The following BFSP2 variants were observed in gnomAD, a reference collection of about 807,000 sequenced individuals.
The protein encoded by BFSP2 is beaded filament structural protein 2.
In BFSP2, 38 loss-of-function variants were observed where a neutral mutation model predicts 44.9. The observed-to-expected ratio is 0.85, with a 90% CI of 0.65 to 1.11. The LOEUF (loss-of-function observed/expected upper bound fraction) is 1.11. BFSP2 is among the 50% of genes least tolerant of loss of function. The pLI is 0.00. For missense variants in BFSP2, 525 were observed against 533.0 expected (o/e 0.99, Z 0.15); for synonymous variants, 197 against 209.9 (o/e 0.94, Z 0.53).
chr3:133,403,784 GT>G (rs1228691001), intron 1 of BFSP2, among the ~76,000 whole-genome samples: 1 of 152,056 alleles, frequency 6.6e-6, no homozygotes, highest in Admixed American at 6.5e-5. Context: ...GGGAGTGGGG[GT>G]CCCCTGTCCC....
intron 1 of BFSP2, among the ~76,000 whole-genome samples, chr3:133,405,164 A>AGCCAGGGGGAGAATGAAGCT (rs2073394005): frequency 6.6e-6 from 1 of 152,228 alleles, no homozygotes; most frequent in Admixed American, 6.5e-5. Flanking sequence ...GAACAGCTGA[A>AGCCAGGGGGAGAATGAAGCT]GCCAGGGGGA....
At chr3:133,437,386 G>A (rs1014355508) in intron 1 of BFSP2, among the ~76,000 whole-genome samples, 15 of 152,208 alleles carry the variant, frequency 9.9e-5, no homozygotes, top group African/African-American at 3.6e-4. Context: ...AGCCGGGCAT[G>A]GTGGCACATA....
At chr3:133,444,407 G>A (rs2073877489) in intron 1 of BFSP2, among the ~76,000 whole-genome samples, 1 of 152,080 alleles carries the variant, frequency 6.6e-6, no homozygotes, top group East Asian at 1.9e-4. Context: ...ATTTTATGGG[G>A]GAGGAAACCA....
intron 6 of BFSP2, 27 bp from the exon 7 acceptor site, chr3:133,474,942 T>C (rs758085467): frequency 6.2e-7 from 1 of 1,614,108 alleles, no homozygotes. Flanking sequence ...CACCCATTGC[T>C]TCTGACTCCT....
At chr3:133,411,522 A>T (rs2073453197) in intron 1 of BFSP2, among the ~76,000 whole-genome samples, 2 of 152,186 alleles carry the variant, frequency 1.3e-5, no homozygotes, top group Admixed American at 1.3e-4. Context: ...CCACCTATGA[A>T]GTAGTCTTGC....
Position 133,400,296 on chromosome 3 carries a change from C to G in BFSP2, c.213C>G (p.Ala71=). ...GTGGGTGCATAGGTGGCTTGGGTGCCCGTGTGACCCGCCGGGCCCTCGGCA... is the reference window on the plus strand; with the variant it reads ...GTGGGTGCATAGGTGGCTTGGGTGCGCGTGTGACCCGCCGGGCCCTCGGCA... ...APSGCIGGLG[A]RVTRRALGIS... Residue 71 remains alanine, a synonymous_variant, in exon 1 of 7, where the codon GCC becomes GCG. Coordinates refer to ENST00000302334, the MANE Select transcript of BFSP2 (RefSeq NM_003571.4). The surrounding 1 kb of genome is among the most constrained non-coding windows in gnomAD (Gnocchi z 4.0). 6.2e-7 allele frequency: 1 copy of G among 1,614,008 alleles called. No individual in the cohort carries two copies. The highest frequency in any genetic ancestry group is 8.5e-7 in the Non-Finnish European group (1 of 1,180,030).
At chr3:133,467,175 A>G (rs2074118484) in intron 5 of BFSP2, among the ~76,000 whole-genome samples, 1 of 152,212 alleles carries the variant, frequency 6.6e-6, no homozygotes, top group Admixed American at 6.5e-5. Flanking sequence ...ATCTCTTACC[A>G]GGCTGCTGCA....
At chr3:133,431,934 G>C (rs544857721) in intron 1 of BFSP2, among the ~76,000 whole-genome samples, 3 of 151,992 alleles carry the variant, frequency 2.0e-5, no homozygotes, top group South Asian at 4.2e-4. Context: ...GATTACAGCC[G>C]CATCTCATTG....
intron 1 of BFSP2, chr3:133,410,065 G>T: frequency 5.1e-6 from 1 of 194,912 alleles, no homozygotes; most frequent in Non-Finnish European, 1.1e-5. Context: ...TCTTTGCTGA[G>T]CCATACAAAA....
chr3:133,401,307 C>T (rs1179492618), intron 1 of BFSP2, among the ~76,000 whole-genome samples: 3 of 152,216 alleles, frequency 2.0e-5, no homozygotes. Context: ...TATCTTATAT[C>T]TGCACTGTCC....
chr3:133,415,344 T>C (rs1559959721), intron 1 of BFSP2, among the ~76,000 whole-genome samples: 3 of 83,232 alleles, frequency 3.6e-5, no homozygotes, highest in East Asian at 4.1e-4. Context: ...ACCCGTGTCC[T>C]CTCCCCTCTA....
At position 133,400,096 on chromosome 3, in the gene BFSP2, C is replaced by A; in HGVS notation, c.13C>A (p.Arg5=). Residue 5 remains arginine (R), a synonymous_variant, in exon 1 of 7, where the codon CGA becomes AGA. Coordinates refer to ENST00000302334, the MANE Select transcript of BFSP2 (RefSeq NM_003571.4). This position sits in a 1 kb window ranked among gnomAD's most constrained non-coding sequence, Gnocchi z 4.0. MSER[R]VVVDLPTSAS... is the part of the protein sequence containing the mutation. ...GGCAGAAGGGGTGATGAGTGAGAGG[C>A]GAGTGGTAGTGGACTTGCCCACCAG... 6.2e-7 allele frequency: 1 copy of A among 1,614,148 alleles called. No homozygotes were observed. The highest frequency in any genetic ancestry group is 8.5e-7 in the Non-Finnish European group (1 of 1,180,022).
chr3:133,473,659 T>C (rs954773571), intron 6 of BFSP2, among the ~76,000 whole-genome samples: 3 of 151,026 alleles, frequency 2.0e-5, no homozygotes, highest in African/African-American at 7.3e-5. Context: ...TGGTGATGAC[T>C]CTTAACGAGC....
At chr3:133,457,111 T>C (rs1267683933) in intron 4 of BFSP2, among the ~76,000 whole-genome samples, 3 of 152,224 alleles carry the variant, frequency 2.0e-5, no homozygotes, top group African/African-American at 4.8e-5. Flanking sequence ...GTTAACCACC[T>C]GGGAAAGTTC....
Position 133,400,313 on chromosome 3 carries a change from C to T in BFSP2, c.230C>T (p.Ala77Val), listed in dbSNP as rs768109082. 1.2e-6 allele frequency: 2 copies of T among 1,614,006 alleles called. No homozygotes were observed. Among genetic ancestry groups the T allele is most frequent in the Admixed American group, 1.7e-5 (1 of 60,036 alleles). Residue 77 changes from alanine (A) to valine (V), a missense_variant, in exon 1 of 7, where the codon GCC becomes GTC. Physicochemically the swap from Ala to Val is moderately conservative, Grantham distance 64 (BLOSUM62 0). Coordinates refer to ENST00000302334, the MANE Select transcript of BFSP2 (RefSeq NM_003571.4). This position sits in a 1 kb window ranked among gnomAD's most constrained non-coding sequence, Gnocchi z 4.0. ...GGLGARVTRR[A>V]LGISSVFLQG... ...TTGGGTGCCCGTGTGACCCGCCGGG[C>T]CCTCGGCATCAGCAGTGTCTTCCTT...
Position 133,422,105 on chromosome 3 carries a change from C to CAAAAAAAAAA in BFSP2, c.489+21545_489+21554dup, listed in dbSNP as rs35193779. The stretch of plus-strand genomic sequence containing the variant: ...CTGGCAACAAAGCGAGACTCCATCT[C>CAAAAAAAAAA]AAAAAAAAAAAAAAAAAAAAATCCA... On this transcript the variant is annotated intron_variant, in intron 1 of 6. Transcript: ENST00000302334. 2.4e-5 allele frequency among the ~76,000 whole-genome samples: 2 copies of CAAAAAAAAAA among 84,082 alleles called. 1 individual carries two copies. Among genetic ancestry groups the CAAAAAAAAAA allele is most frequent in the Non-Finnish European group, 4.2e-5 (2 of 47,768 alleles). 55.2% of individuals were successfully genotyped at this position (84,082 alleles called of 152,430 possible).
intron 1 of BFSP2, among the ~76,000 whole-genome samples, chr3:133,403,031 T>C (rs1321332859): frequency 6.6e-6 from 1 of 152,182 alleles, no homozygotes; most frequent in Non-Finnish European, 1.5e-5. Context: ...AACTCCATAA[T>C]TGAGAAATGC....
chr3:133,426,634 A>T (rs1576570653), intron 1 of BFSP2, among the ~76,000 whole-genome samples: 1 of 152,230 alleles, frequency 6.6e-6, no homozygotes, highest in Non-Finnish European at 1.5e-5. Context: ...TCAAACTTCC[A>T]TCTTGATTCT....
At chr3:133,433,373 T>C (rs969513503) in intron 1 of BFSP2, among the ~76,000 whole-genome samples, 7 of 152,192 alleles carry the variant, frequency 4.6e-5, no homozygotes, top group Non-Finnish European at 7.3e-5. Context: ...TCCTTTCCAT[T>C]GTGGAAATCT....
Sources: gnomAD v4.1 joint callset for allele counts (sites outside exome capture counted in the v4.1 genomes callset) on GRCh38, gnomAD v4.1.1 for gene constraint, Gnocchi (gnomAD v3.1) non-coding constraint, MANE v1.5 for transcripts, NCBI Gene and HGNC (gene_info 2026-07-23, HGNC 2026-07-21) for gene names.